Variants in ADCY9 observed in about 807,000 individuals in gnomAD.
The protein encoded by ADCY9 is adenylate cyclase 9, also known as adenylate cyclase type 9.
A neutral mutation model predicts 101.5 loss-of-function variants in ADCY9; 50 were observed. The observed-to-expected ratio is 0.49, with a 90% CI of 0.39 to 0.62. The LOEUF (loss-of-function observed/expected upper bound fraction) is 0.62, where lower values mean the gene tolerates loss of function less well. ADCY9 is among the 20% of genes least tolerant of loss of function. The pLI is 0.00. For missense variants in ADCY9, 1,662 were observed against 1,800.4 expected, an observed-to-expected ratio of 0.92 and a Z score of 1.39; for synonymous variants, 905 against 769.3, an observed-to-expected ratio of 1.18 and a Z score of -2.92.
At chr16:4,013,510 G>A (rs1029859668) in intron 2 of ADCY9, among the ~76,000 whole-genome samples, 7 of 152,192 alleles carry the variant, frequency 4.6e-5, no homozygotes, top group African/African-American at 1.7e-4. Context: ...TTTAAGACAT[G>A]ACTTTGGGAG....
intron 2 of ADCY9, among the ~76,000 whole-genome samples, chr16:4,076,213 A>G (rs373389590): frequency 9.4e-4 from 143 of 152,306 alleles, no homozygotes; most frequent in African/African-American, 3.3e-3. Context: ...CTTACAAAAC[A>G]AAAATGCAAA....
intron 2 of ADCY9, among the ~76,000 whole-genome samples, chr16:4,079,375 C>T (rs1250592001): frequency 6.6e-6 from 1 of 152,162 alleles, no homozygotes; most frequent in Non-Finnish European, 1.5e-5. Flanking sequence ...TGGAGACCAT[C>T]CTGGCCAACA....
intron 2 of ADCY9, among the ~76,000 whole-genome samples, chr16:4,016,661 A>C (rs1280938328): frequency 6.6e-6 from 1 of 152,232 alleles, no homozygotes; most frequent in Non-Finnish European, 1.5e-5. Context: ...ACTTGAAAAC[A>C]AAAAAAGGGA....
intron 2 of ADCY9, among the ~76,000 whole-genome samples, chr16:4,010,006 C>T (rs367748442): frequency 4.5e-4 from 69 of 152,304 alleles, no homozygotes; most frequent in African/African-American, 1.4e-3. Flanking sequence ...CTCTGGAGAC[C>T]GCAGTCCCCA....
intron 2 of ADCY9, among the ~76,000 whole-genome samples, chr16:4,059,703 G>C (rs1042156704): frequency 3.9e-5 from 6 of 152,164 alleles, no homozygotes; most frequent in African/African-American, 1.4e-4. Flanking sequence ...TCAGAGACCA[G>C]CCTGGGCAAC....
chr16:4,068,047 G>A (rs2056811328), intron 2 of ADCY9, among the ~76,000 whole-genome samples: 1 of 151,922 alleles, frequency 6.6e-6, no homozygotes, highest in Non-Finnish European at 1.5e-5. Context: ...TAATTGTAGG[G>A]AAAACAAAGT....
At chr16:4,003,215 C>G (rs1046778705) in intron 3 of ADCY9, among the ~76,000 whole-genome samples, 11 of 152,190 alleles carry the variant, frequency 7.2e-5, no homozygotes, top group African/African-American at 2.7e-4. Context: ...GAGCATCCAA[C>G]CCACAGCAAT....
intron 2 of ADCY9, among the ~76,000 whole-genome samples, chr16:4,013,011 G>A (rs941216333): frequency 2.6e-5 from 4 of 152,024 alleles, no homozygotes; most frequent in African/African-American, 9.7e-5. Context: ...CGGCACTCTC[G>A]GAGGCCGCGG....
chr16:4,074,654 C>T (rs2056855721), intron 2 of ADCY9, among the ~76,000 whole-genome samples: 1 of 145,048 alleles, frequency 6.9e-6, no homozygotes, highest in Non-Finnish European at 1.5e-5. Context: ...GAGGTCGAGG[C>T]TTCAGTGAGC....
chr16:4,031,508 G>A lies in ADCY9; in HGVS notation c.1694-23950C>T, dbSNP rs529267447. On this transcript the variant is annotated intron_variant, in intron 2 of 10. Transcript: ENST00000294016. The stretch of plus-strand genomic sequence containing the variant: ...AGAAATTTGGCAAAATGTTAACCAC[G>A]GGTCAATCAGGTGAAGTGGGATATT... Among the ~76,000 whole-genome samples, 5 of 152,078 alleles carry A rather than the reference G, an allele frequency of 3.3e-5. No homozygotes were observed. The South Asian group carries it at 6.2e-4, about 19-fold the overall frequency.
At chr16:4,048,447 C>T (rs141870955) in intron 2 of ADCY9, among the ~76,000 whole-genome samples, 9 of 152,288 alleles carry the variant, frequency 5.9e-5, no homozygotes, top group Non-Finnish European at 1.2e-4. Flanking sequence ...TCTCTTTGTT[C>T]CGCAAATGGC....
At chr16:3,986,254 G>A (rs534570535) in intron 6 of ADCY9, among the ~76,000 whole-genome samples, 9 of 152,300 alleles carry the variant, frequency 5.9e-5, no homozygotes, top group South Asian at 2.1e-4. Flanking sequence ...ACGCACCCAC[G>A]TGGAGCCCCC....
At chr16:4,006,562 G>A (rs1330827286) in intron 3 of ADCY9, among the ~76,000 whole-genome samples, 2 of 152,120 alleles carry the variant, frequency 1.3e-5, no homozygotes, top group African/African-American at 2.4e-5. Flanking sequence ...ACCACTGGCC[G>A]CCATCCTCAC....
chr16:3,986,072 C>T (rs1489964407), intron 6 of ADCY9, among the ~76,000 whole-genome samples: 2 of 152,254 alleles, frequency 1.3e-5, no homozygotes, highest in Non-Finnish European at 1.5e-5. Flanking sequence ...CCTCCGGGTG[C>T]GGCCGTCCCA....
At chr16:3,985,506 T>G (rs2056184233) in intron 6 of ADCY9, among the ~76,000 whole-genome samples, 1 of 152,080 alleles carries the variant, frequency 6.6e-6, no homozygotes, top group South Asian at 2.1e-4. Flanking sequence ...CACGTCCCCT[T>G]TCTGTGGGGC....
At chr16:4,080,024 G>A (rs957493382) in intron 2 of ADCY9, among the ~76,000 whole-genome samples, 5 of 151,758 alleles carry the variant, frequency 3.3e-5, no homozygotes, top group African/African-American at 1.2e-4. Flanking sequence ...TATTTACAAA[G>A]GAAAGAAAAA....
chr16:3,977,023 T>A (rs2056098100), intron 9 of ADCY9, among the ~76,000 whole-genome samples: 1 of 152,298 alleles, frequency 6.6e-6, no homozygotes. Flanking sequence ...CACCTCCTCC[T>A]TCCAGGCTGT....
intron 2 of ADCY9, among the ~76,000 whole-genome samples, chr16:4,078,926 C>T (rs1401165719): frequency 2.0e-5 from 3 of 152,152 alleles, no homozygotes; most frequent in Admixed American, 1.3e-4. Context: ...TTTGGCCCCA[C>T]TACTAATTAT....
At chr16:4,063,214 C>T (rs1207165918) in intron 2 of ADCY9, among the ~76,000 whole-genome samples, 2 of 152,022 alleles carry the variant, frequency 1.3e-5, no homozygotes, top group African/African-American at 4.8e-5. Flanking sequence ...TCCCCAACTA[C>T]TTAGAAATTA....
Sources: gnomAD v4.1 joint callset for allele counts (sites outside exome capture counted in the v4.1 genomes callset) on GRCh38, gnomAD v4.1.1 for gene constraint, MANE v1.5 for transcripts, NCBI Gene and HGNC (gene_info 2026-07-23, HGNC 2026-07-21) for gene names.